The following COG6 variants were observed in gnomAD, a reference collection of about 807,000 sequenced individuals.
COG6 encodes the protein conserved oligomeric Golgi complex subunit 6.
COG6 carries 74 observed loss-of-function variants against 88.8 expected under a neutral mutation model. That is an observed-to-expected ratio of 0.83 (90% confidence interval 0.69 to 1.01). The LOEUF (loss-of-function observed/expected upper bound fraction) is 1.01, where lower values mean the gene tolerates loss of function less well. COG6 is among the 50% of genes least tolerant of loss of function. The pLI is 0.00. For missense variants in COG6, 800 were observed against 797.9 expected (o/e 1.00, Z -0.03); for synonymous variants, 286 against 278.7 (o/e 1.03, Z -0.26).
At chr13:39,758,755 G>A (rs1483085517) in intron 18 of COG6, among the ~76,000 whole-genome samples, 1 of 152,142 alleles carries the variant, frequency 6.6e-6, no homozygotes, top group Non-Finnish European at 1.5e-5. Flanking sequence ...GAAAATTTAT[G>A]TCTACCAAGA....
rs1380438533 is a variant in COG6, at chr13:39,680,042, C to T, written c.691C>T (p.Gln231Ter). ...TTATGAAAGACTTTACCGATGGGCT[C>T]AAAGTAAGTGATTTCTTTTATGTTG... ...TAYERLYRWA[Q>*]SECRTLTQES... Residue 231 changes from glutamine to a stop codon, truncating the protein, a stop_gained, in exon 7 of 19, where the codon CAA (glutamine) becomes TAA (stop). Coordinates refer to ENST00000455146, the MANE Select transcript of COG6 (RefSeq NM_020751.3). LOFTEE classifies it high-confidence loss of function. 2.6e-6 allele frequency: 4 copies of T among 1,562,568 alleles called. No homozygotes were observed. Among genetic ancestry groups the T allele is most frequent in the Non-Finnish European group, 3.5e-6 (4 of 1,135,352 alleles).
chr13:39,664,995 C>T (rs1875158187), intron 3 of COG6, 101 bp from the exon 4 acceptor site: 1 of 704,664 alleles, frequency 1.4e-6, no homozygotes, highest in Non-Finnish European at 2.6e-6. Context: ...ATAGAGTGAT[C>T]TCATTTGTTT....
At chr13:39,722,523 G>A (rs745856382) in intron 15 of COG6, among the ~76,000 whole-genome samples, 4 of 150,374 alleles carry the variant, frequency 2.7e-5, no homozygotes, top group Admixed American at 1.3e-4. Flanking sequence ...AGTTGACAGT[G>A]TACTATGTCA....
intron 18 of COG6, among the ~76,000 whole-genome samples, chr13:39,759,149 A>T (rs9548925): frequency 0.2 from 30,465 of 152,162 alleles, 3,579 homozygotes; most frequent in Non-Finnish European, 0.26. Flanking sequence ...AGTGATGATG[A>T]TTGCACAGCA....
chr13:39,735,706 C>CT lies in COG6; in HGVS notation c.1826+8177dup, dbSNP rs747873961. Among the ~76,000 whole-genome samples, 956 of 108,012 alleles carry CT rather than the reference C, an allele frequency of 8.9e-3. 3 individuals are homozygous for CT. The highest frequency in any genetic ancestry group is 0.034 in the East Asian group (128 of 3,714). 70.9% of individuals were successfully genotyped at this position (108,012 alleles called of 152,430 possible). Reference sequence around the variant, plus strand: ...GGACAGATGTGGTGTTGATGAAGTCCTTTTTTTTTTTTTTTTTTTGGTCTG... The same window carrying CT: ...GGACAGATGTGGTGTTGATGAAGTCCTTTTTTTTTTTTTTTTTTTTGGTCTG... On this transcript the variant is annotated intron_variant, in intron 18 of 18. Transcript: ENST00000455146.
Position 39,668,804 on chromosome 13 carries a change from A to G in COG6, c.428+3650A>G, listed in dbSNP as rs141954007. On this transcript the variant is annotated intron_variant, in intron 4 of 18. Coordinates refer to ENST00000455146, the MANE Select transcript of COG6 (RefSeq NM_020751.3). ...CTCCGTCTCAAAAAAAAAAAAAAAG[A>G]AAAGAAAAGAAACAATACAGAGATC... 2.4e-3 allele frequency among the ~76,000 whole-genome samples: 369 copies of G among 151,510 alleles called. 9 individuals are homozygous for G. The East Asian group carries it at 0.056, about 23-fold the overall frequency.
intron 8 of COG6, among the ~76,000 whole-genome samples, chr13:39,685,673 T>C (rs1484069579): frequency 6.6e-6 from 1 of 152,150 alleles, no homozygotes; most frequent in Non-Finnish European, 1.5e-5. Context: ...TGATAAGCAG[T>C]CATAAGTTCA....
At chr13:39,662,186 G>A (rs1248376164) in intron 3 of COG6, among the ~76,000 whole-genome samples, 2 of 125,964 alleles carry the variant, frequency 1.6e-5, no homozygotes, top group African/African-American at 3.0e-5. Flanking sequence ...TGTATCCTTA[G>A]TGGCGTGATC....
At chr13:39,718,668 T>C (rs1878669548) in intron 13 of COG6, among the ~76,000 whole-genome samples, 1 of 152,114 alleles carries the variant, frequency 6.6e-6, no homozygotes, top group African/African-American at 2.4e-5. Context: ...TGTTTAACTC[T>C]AGAGCCCAAT....
intron 15 of COG6, among the ~76,000 whole-genome samples, chr13:39,720,758 G>A (rs1255233028): frequency 6.6e-6 from 1 of 151,878 alleles, no homozygotes; most frequent in Non-Finnish European, 1.5e-5. Context: ...ACACTTACGT[G>A]TATTGCTACT....
intron 18 of COG6, among the ~76,000 whole-genome samples, chr13:39,764,989 AGTTTT>A (rs1038859601): frequency 6.6e-6 from 1 of 152,082 alleles, no homozygotes; most frequent in Non-Finnish European, 1.5e-5. Flanking sequence ...CTGTATTTTT[AGTTTT>A]GTCAGTTTTT....
At chr13:39,683,760 C>T (rs1290489963) in intron 8 of COG6, among the ~76,000 whole-genome samples, 1 of 145,156 alleles carries the variant, frequency 6.9e-6, no homozygotes, top group African/African-American at 2.5e-5. Flanking sequence ...AAAAAAAAAG[C>T]CTTTCTGTGT....
intron 18 of COG6, among the ~76,000 whole-genome samples, chr13:39,775,756 G>C (rs190479608): frequency 1.4e-4 from 22 of 152,094 alleles, no homozygotes; most frequent in Admixed American, 1.2e-3. Flanking sequence ...TAATCTTTCA[G>C]AGATACATCT....
chr13:39,665,707 CAT>C (rs776164429), intron 4 of COG6, among the ~76,000 whole-genome samples: 2 of 152,150 alleles, frequency 1.3e-5, no homozygotes, highest in Admixed American at 6.5e-5. Flanking sequence ...CTGCATCTCT[CAT>C]GTGTGGAGTA....
chr13:39,787,867 C>A (rs534995473), intron 18 of COG6, among the ~76,000 whole-genome samples: 1 of 152,078 alleles, frequency 6.6e-6, no homozygotes, highest in Admixed American at 6.6e-5. Context: ...AATACTATAC[C>A]ATTTTATATC....
At chr13:39,665,060 G>A in intron 3 of COG6, 36 bp from the exon 4 acceptor site, 1 of 948,866 alleles carries the variant, frequency 1.1e-6, no homozygotes, top group South Asian at 1.3e-5. Context: ...TAATAAAATT[G>A]GAATTTACTT....
chr13:39,686,626 T>C (rs557051377), intron 8 of COG6, among the ~76,000 whole-genome samples: 4 of 152,338 alleles, frequency 2.6e-5, no homozygotes, highest in Non-Finnish European at 4.4e-5. Context: ...CTTTTAAAGA[T>C]GGATAGCAAT....
intron 6 of COG6, 170 bp downstream of exon 6, chr13:39,679,790 C>T: frequency 1.5e-6 from 1 of 688,540 alleles, no homozygotes; most frequent in South Asian, 1.7e-5. Flanking sequence ...GCTAAAACAG[C>T]AGTTGATAAA....
At chr13:39,671,405 T>C (rs1192637524) in intron 4 of COG6, among the ~76,000 whole-genome samples, 1 of 151,942 alleles carries the variant, frequency 6.6e-6, no homozygotes, top group African/African-American at 2.4e-5. Flanking sequence ...GCTTTTTTTT[T>C]TCTTCCTTTT....
Sources: allele counts gnomAD v4.1 joint callset (sites outside exome capture counted in the v4.1 genomes callset), GRCh38; gene constraint gnomAD v4.1.1; transcripts MANE v1.5; gene names NCBI Gene and HGNC (gene_info 2026-07-23, HGNC 2026-07-21).